The following ULK4 variants were observed in gnomAD, a reference collection of about 807,000 sequenced individuals.
ULK4 encodes unc-51 like kinase 4, also known as inactive serine/threonine-protein kinase ULK4.
Under a neutral mutation model 160.6 loss-of-function variants are expected in ULK4, and 133 were observed. The observed-to-expected ratio is 0.83, with a 90% CI of 0.72 to 0.96. The LOEUF (loss-of-function observed/expected upper bound fraction) is 0.96, where lower values mean the gene tolerates loss of function less well. Ranked by LOEUF, ULK4 falls within the 40% of genes least tolerant of loss-of-function variation. ULK4 has a pLI of 0.00. For missense variants in ULK4, 1,580 were observed against 1,499.5 expected (o/e 1.05, Z -0.89); for synonymous variants, 534 against 539.8 (o/e 0.99, Z 0.15).
At chr3:41,794,267 C>T (rs1164686092) in intron 20 of ULK4, among the ~76,000 whole-genome samples, 1 of 152,278 alleles carries the variant, frequency 6.6e-6, no homozygotes, top group South Asian at 2.1e-4. Flanking sequence ...CCTCCACCTG[C>T]TCATTCATTC....
intron 27 of ULK4, among the ~76,000 whole-genome samples, chr3:41,687,359 G>C (rs1020247313): frequency 6.7e-6 from 1 of 150,278 alleles, no homozygotes; most frequent in Non-Finnish European, 1.5e-5. Context: ...GCGATGAAGA[G>C]AGACTCCATC....
intron 22 of ULK4, among the ~76,000 whole-genome samples, chr3:41,719,428 T>G (rs937278697): frequency 6.6e-6 from 1 of 152,190 alleles, no homozygotes; most frequent in Non-Finnish European, 1.5e-5. Context: ...ATTTTATCTG[T>G]CTTAAAGAGG....
intron 5 of ULK4, among the ~76,000 whole-genome samples, chr3:41,922,628 G>C (rs1699231320): frequency 6.6e-6 from 1 of 150,416 alleles, no homozygotes. Flanking sequence ...GGGGTGGCAA[G>C]GTGGGGGGTG....
intron 32 of ULK4, among the ~76,000 whole-genome samples, chr3:41,517,070 C>G (rs997467315): frequency 1.3e-5 from 2 of 152,024 alleles, no homozygotes; most frequent in Non-Finnish European, 2.9e-5. Context: ...AAGATCTGAA[C>G]AGATACCTCA....
At chr3:41,856,544 TATATGTGTATATATATACAC>T (rs2042349606) in intron 17 of ULK4, among the ~76,000 whole-genome samples, 1 of 77,198 alleles carries the variant, frequency 1.3e-5, no homozygotes, top group Non-Finnish European at 2.3e-5. Context: ...TATGTATATA[TATATGTGTATATATATACAC>T]ATATATATAT....
intron 21 of ULK4, among the ~76,000 whole-genome samples, chr3:41,771,607 T>C (rs1018742363): frequency 6.6e-6 from 1 of 151,328 alleles, no homozygotes; most frequent in African/African-American, 2.5e-5. Flanking sequence ...TTTCAAATCA[T>C]ACTGTGTGCG....
chr3:41,492,481 A>T (rs1478900707), intron 32 of ULK4, among the ~76,000 whole-genome samples: 1 of 151,068 alleles, frequency 6.6e-6, no homozygotes, highest in Non-Finnish European at 1.5e-5. Context: ...TCATGCCAAA[A>T]TGTAAAGACC....
intron 12 of ULK4, among the ~76,000 whole-genome samples, chr3:41,904,001 A>C (rs1434909255): frequency 5.3e-5 from 8 of 151,796 alleles, no homozygotes; most frequent in African/African-American, 1.9e-4. Context: ...TAAAAAAAAA[A>C]AAAAAAAAAG....
At chr3:41,296,773 G>A (rs1378509205) in intron 35 of ULK4, among the ~76,000 whole-genome samples, 1 of 152,044 alleles carries the variant, frequency 6.6e-6, no homozygotes, top group African/African-American at 2.4e-5. Flanking sequence ...GACTGCAGAA[G>A]GCCTTGAGTC....
rs866669974 is a variant in ULK4, at chr3:41,378,527, C to A, written c.3678+19552G>T. ...AACCATCATTATCAGCAAACTATCG[C>A]AAGGACAAAAAACCAAGCACCACAT... On this transcript the variant is annotated intron_variant, in intron 35 of 36. Coordinates refer to ENST00000301831, the MANE Select transcript of ULK4 (RefSeq NM_017886.4). 4.0e-5 allele frequency among the ~76,000 whole-genome samples: 6 copies of A among 151,288 alleles called. 1 individual carries two copies. The Middle Eastern group carries it at 0.014, about 353-fold the overall frequency.
intron 16 of ULK4, 127 bp downstream of exon 16, chr3:41,895,391 G>A (rs1698118264): frequency 2.2e-6 from 1 of 458,328 alleles, no homozygotes; most frequent in Non-Finnish European, 3.7e-6. Context: ...TTGCCTATGA[G>A]TAGAGTCATC....
intron 31 of ULK4, among the ~76,000 whole-genome samples, chr3:41,571,896 C>G (rs1232607515): frequency 1.3e-5 from 2 of 152,172 alleles, no homozygotes; most frequent in Non-Finnish European, 2.9e-5. Flanking sequence ...AGGTGAAGAC[C>G]TGCAACAAGG....
Position 41,932,009 on chromosome 3 carries a change from A to T in ULK4, c.379-3T>A. 1 of 1,610,782 alleles carries T rather than the reference A, an allele frequency of 6.2e-7. No individual in the cohort carries two copies. On this transcript the variant is annotated splice_polypyrimidine_tract_variant and splice_region_variant and intron_variant, in intron 4 of 36. Transcript: ENST00000301831. ...GTGCCAGGCCCTTCCAAGAGTATCT[A>T]TGAAGATCAAATAAATGTTTTCAGA...
At chr3:41,415,355 G>A (rs1390937509) in intron 34 of ULK4, among the ~76,000 whole-genome samples, 1 of 152,098 alleles carries the variant, frequency 6.6e-6, no homozygotes, top group Non-Finnish European at 1.5e-5. Context: ...GTTTGAGACA[G>A]CCACCCAAGA....
intron 35 of ULK4, among the ~76,000 whole-genome samples, chr3:41,321,389 C>T (rs1344026843): frequency 6.6e-6 from 1 of 152,148 alleles, no homozygotes. Flanking sequence ...GGTATATTTT[C>T]CACTGCATTC....
chr3:41,620,427 T>G (rs2033187147), intron 30 of ULK4, among the ~76,000 whole-genome samples: 1 of 152,148 alleles, frequency 6.6e-6, no homozygotes, highest in South Asian at 2.1e-4. Context: ...CACGATCAAG[T>G]TGGCTTCATC....
rs1158346684 is a variant in ULK4, at chr3:41,420,468, GTTCT to G, written c.3493-22208_3493-22205del. ...GTGTAAGGGATTTTTCAGTTTTCCA[GTTCT>G]TTCTTTTTTTTTTTTTTTTTTTTTT... On this transcript the variant is annotated intron_variant, in intron 34 of 36. Coordinates refer to ENST00000301831, the MANE Select transcript of ULK4 (RefSeq NM_017886.4). Among the ~76,000 whole-genome samples, 524 of 89,888 alleles carry G rather than the reference GTTCT, an allele frequency of 5.8e-3. 12 individuals carry two copies. Among genetic ancestry groups the G allele is most frequent in the African/African-American group, 0.015 (323 of 21,662 alleles). 59.0% of individuals were successfully genotyped at this position (89,888 alleles called of 152,430 possible).
intron 17 of ULK4, among the ~76,000 whole-genome samples, chr3:41,864,210 T>C (rs929341550): frequency 1.1e-4 from 16 of 152,110 alleles, no homozygotes; most frequent in Non-Finnish European, 1.8e-4. Context: ...CTTGGTTTCC[T>C]TTCTGCTCTA....
intron 17 of ULK4, among the ~76,000 whole-genome samples, chr3:41,840,920 G>A (rs1244624594): frequency 6.6e-6 from 1 of 151,256 alleles, no homozygotes; most frequent in Non-Finnish European, 1.5e-5. Flanking sequence ...ACCCTGTCTG[G>A]GATGTGAGGA....
Sources: allele counts gnomAD v4.1 joint callset (sites outside exome capture counted in the v4.1 genomes callset), GRCh38; gene constraint gnomAD v4.1.1; transcripts MANE v1.5; gene names NCBI Gene and HGNC (gene_info 2026-07-23, HGNC 2026-07-21).